Variants in PCGF3 observed in about 807,000 individuals in gnomAD.
The protein encoded by PCGF3 is polycomb group ring finger 3.
A neutral mutation model predicts 33.1 loss-of-function variants in PCGF3; 7 were observed. The ratio of observed to expected loss-of-function variants is 0.21; its 90% confidence interval spans 0.12 to 0.40. The LOEUF is 0.40. PCGF3 is among the 10% of genes least tolerant of loss of function. PCGF3 has a pLI of 1.00. For missense variants in PCGF3, 211 were observed against 313.3 expected, an observed-to-expected ratio of 0.67 and a Z score of 2.46; for synonymous variants, 153 against 121.3, an observed-to-expected ratio of 1.26 and a Z score of -1.72.
At chr4:711,065 A>T (rs775610062) in intron 1 of PCGF3, among the ~76,000 whole-genome samples, 122 of 152,374 alleles carry the variant, frequency 8.0e-4, no homozygotes, top group Non-Finnish European at 1.3e-3. Context: ...TCCAGGCACT[A>T]CTGTGAGCCA....
rs1293120646 is a variant in PCGF3, at chr4:740,362, CTTTT to C, written c.262+2843_262+2846del. On this transcript the variant is annotated intron_variant, in intron 6 of 10. Transcript: ENST00000362003. ...TTAGGTTTTTAGTGGTTTGTTGTTT[CTTTT>C]TGTTTTTATAAATTATTTTAGAAAC... Among the ~76,000 whole-genome samples, 4 of 152,194 alleles carry C rather than the reference CTTTT, an allele frequency of 2.6e-5. No homozygotes were observed. In the East Asian group the frequency reaches 7.7e-4, roughly 29 times the overall value.
At chr4:749,849 G>T (rs1186048828) in intron 8 of PCGF3, among the ~76,000 whole-genome samples, 1 of 151,840 alleles carries the variant, frequency 6.6e-6, no homozygotes, top group East Asian at 1.9e-4. Flanking sequence ...ACGGGATCTG[G>T]CTCTCTCACC....
intron 8 of PCGF3, among the ~76,000 whole-genome samples, chr4:757,904 C>T (rs1490693286): frequency 2.0e-5 from 3 of 152,078 alleles, no homozygotes; most frequent in African/African-American, 7.2e-5. Flanking sequence ...CGCGGTGGCT[C>T]ACGCCTGTAA....
intron 8 of PCGF3, among the ~76,000 whole-genome samples, chr4:753,268 C>G (rs370677066): frequency 6.6e-6 from 1 of 152,244 alleles, no homozygotes; most frequent in South Asian, 2.1e-4. Flanking sequence ...CCTGCAGCCT[C>G]GACCTCTTGG....
intron 4 of PCGF3, chr4:734,016 A>C (rs912287504): frequency 6.4e-7 from 1 of 1,550,890 alleles, no homozygotes; most frequent in Admixed American, 2.0e-5. Context: ...GGAGAGCGAA[A>C]CACAGGAGAG....
At chr4:729,787 G>A (rs1743477533) in intron 1 of PCGF3, among the ~76,000 whole-genome samples, 2 of 152,190 alleles carry the variant, frequency 1.3e-5, no homozygotes, top group African/African-American at 4.8e-5. Flanking sequence ...GATACAAACG[G>A]GGTAGAAAAT....
chr4:761,452 T>C (rs751081716), intron 9 of PCGF3, 36 bp downstream of exon 9: 1 of 1,533,542 alleles, frequency 6.5e-7, no homozygotes. Flanking sequence ...CCATAACAAG[T>C]CCTCTCTTAT....
At chr4:765,911 G>T in intron 10 of PCGF3, 121 bp from the exon 11 acceptor site, 2 of 842,366 alleles carry the variant, frequency 2.4e-6, no homozygotes, top group South Asian at 2.9e-5. Flanking sequence ...GGGTCTCTGT[G>T]CAGCCCTGCA....
chr4:750,924 C>T (rs1424450844), intron 8 of PCGF3, among the ~76,000 whole-genome samples: 1 of 152,044 alleles, frequency 6.6e-6, no homozygotes, highest in Non-Finnish European at 1.5e-5. Context: ...TGCTGTTGGT[C>T]TCTGCTTCCA....
chr4:750,683 A>G (rs1393549406), intron 8 of PCGF3, among the ~76,000 whole-genome samples: 1 of 151,426 alleles, frequency 6.6e-6, no homozygotes, highest in Admixed American at 6.6e-5. Flanking sequence ...GAGATTGTGA[A>G]CTCCGACATC....
At chr4:754,643 G>A (rs930775142) in intron 8 of PCGF3, among the ~76,000 whole-genome samples, 22 of 152,336 alleles carry the variant, frequency 1.4e-4, no homozygotes, top group Admixed American at 9.1e-4. Flanking sequence ...GGTGAGGTTG[G>A]GGACCTTGGG....
In PCGF3 at chr4:766,094, C is replaced by T. The variant is rs187131626; in HGVS notation, c.*15C>T. 4.6e-4 allele frequency: 735 copies of T among 1,612,752 alleles called. 1 individual carries two copies. Among genetic ancestry groups the T allele is most frequent in the Middle Eastern group, 1.2e-3 (7 of 6,060 alleles). On this transcript the variant is annotated 3_prime_UTR_variant, in exon 11 of 11. Coordinates refer to ENST00000362003, the Ensembl canonical transcript of PCGF3. Reference sequence around the variant, plus strand: ...ACTTGCTGTGAATGGTGCCACACAGCGCCCACAGACTGGGCCCTCGCACCC... The same window carrying T: ...ACTTGCTGTGAATGGTGCCACACAGTGCCCACAGACTGGGCCCTCGCACCC...
At chr4:732,979 A>G (rs2109607425) in intron 3 of PCGF3, among the ~76,000 whole-genome samples, 1 of 151,930 alleles carries the variant, frequency 6.6e-6, no homozygotes, top group East Asian at 1.9e-4. Flanking sequence ...CGGCTGCGGC[A>G]GCTGTCAAGG....
intron 4 of PCGF3, 105 bp from the exon 5 acceptor site, chr4:734,826 T>A (rs2109617345): frequency 1.3e-6 from 2 of 1,487,082 alleles, no homozygotes; most frequent in Admixed American, 2.2e-5. Context: ...AGTGAGCATC[T>A]GCACAGAAAC....
chr4:706,404 C>G (rs1322750445), intron 1 of PCGF3, among the ~76,000 whole-genome samples: 1 of 147,388 alleles, frequency 6.8e-6, no homozygotes, highest in African/African-American at 2.5e-5. Context: ...GGGCAAGACC[C>G]CAGCCCAGGC....
At chr4:758,257 G>A (rs1744863763) in intron 8 of PCGF3, among the ~76,000 whole-genome samples, 1 of 150,554 alleles carries the variant, frequency 6.6e-6, no homozygotes, top group South Asian at 2.1e-4. Context: ...CTCTCACCGG[G>A]CACCCCCTTT....
chr4:768,940 G>T (rs575553725), exon 11 of PCGF3: 1 of 152,612 alleles, frequency 6.6e-6, no homozygotes, highest in Non-Finnish European at 1.5e-5. Context: ...AAATGGTAAT[G>T]TAGCATTTAT....
At chr4:743,579 G>T in exon 7 of PCGF3, 1 of 1,588,440 alleles carries the variant, frequency 6.3e-7, no homozygotes, top group Non-Finnish European at 8.6e-7. Context: ...GATTCCCATC[G>T]GAATGGTGAG....
At position 765,074 on chromosome 4, in the gene PCGF3, G is replaced by T; in HGVS notation, c.681+10G>T. The T allele has an allele frequency of 4.4e-6, 7 of 1,594,696 alleles. No individual in the cohort carries two copies. Among genetic ancestry groups the T allele is most frequent in the Non-Finnish European group, 6.0e-6 (7 of 1,162,412 alleles). On this transcript the variant is annotated intron_variant, in intron 10 of 10. Transcript: ENST00000362003. The stretch of plus-strand genomic sequence containing the variant: ...TAGGTGGAGATTCAAGGTGAGACAC[G>T]TGATTTGATTTTCAGAGTCTGCTCT...
Sources: allele counts gnomAD v4.1 joint callset (sites outside exome capture counted in the v4.1 genomes callset), GRCh38; gene constraint gnomAD v4.1.1; transcripts MANE v1.5; gene names NCBI Gene and HGNC (gene_info 2026-07-23, HGNC 2026-07-21).